CDH4: variants seen among roughly 807,000 people sequenced by gnomAD.
The protein encoded by CDH4 is cadherin 4.
Under a neutral mutation model 86.0 loss-of-function variants are expected in CDH4, and 33 were observed. The observed-to-expected ratio is 0.38, with a 90% CI of 0.29 to 0.51. The LOEUF is 0.51. CDH4 is among the 20% of genes least tolerant of loss of function. The pLI, the probability that CDH4 is intolerant of heterozygous loss-of-function variation, is 0.86. For synonymous variants in CDH4, 555 were observed against 549.4 expected, an observed-to-expected ratio of 1.01 and a Z score of -0.14; for missense variants, 1,114 against 1,307.4, an observed-to-expected ratio of 0.85 and a Z score of 2.28.
At chr20:61,354,525 C>G (rs2084735205) in intron 2 of CDH4, among the ~76,000 whole-genome samples, 1 of 152,180 alleles carries the variant, frequency 6.6e-6, no homozygotes, top group African/African-American at 2.4e-5. Context: ...TGAAATAAAT[C>G]AAAGATGATA....
intron 2 of CDH4, among the ~76,000 whole-genome samples, chr20:61,647,584 T>TCCCTCTC (rs2087078593): frequency 1.1e-5 from 1 of 89,686 alleles, no homozygotes; most frequent in African/African-American, 4.5e-5. Flanking sequence ...CCTCCCCCTC[T>TCCCTCTC]CCTCTCTCTC....
intron 2 of CDH4, among the ~76,000 whole-genome samples, chr20:61,308,894 C>T (rs1189873870): frequency 6.6e-6 from 1 of 152,184 alleles, no homozygotes; most frequent in Non-Finnish European, 1.5e-5. Context: ...CTATGGGAAG[C>T]AGAGCTCGTA....
In CDH4 at chr20:61,623,037, A is replaced by G. The variant is rs1346958528; in HGVS notation, c.170-120526A>G. 6.6e-6 allele frequency among the ~76,000 whole-genome samples: 1 copy of G among 152,212 alleles called. No individual in the cohort carries two copies. The highest frequency in any genetic ancestry group is 1.5e-5 in the Non-Finnish European group (1 of 68,036). On this transcript the variant is annotated intron_variant, in intron 2 of 15. Transcript: ENST00000614565. The surrounding 1 kb of genome is among the most constrained non-coding windows in gnomAD (Gnocchi z 4.4). ...TGGACCACAACCAGTCATTTAAGAC[A>G]GTCAGGGAAACAAACGGGGAGGTGC...
At chr20:61,825,936 C>A (rs1353321803) in intron 4 of CDH4, among the ~76,000 whole-genome samples, 1 of 152,172 alleles carries the variant, frequency 6.6e-6, no homozygotes, top group Admixed American at 6.5e-5. Context: ...CGATTTGTCT[C>A]CAGATTTTGT....
chr20:61,809,262 G>A (rs1417103785), intron 4 of CDH4, among the ~76,000 whole-genome samples: 1 of 152,070 alleles, frequency 6.6e-6, no homozygotes, highest in South Asian at 2.1e-4. Context: ...TCAGCGGCGG[G>A]ATGATGGGTG....
At chr20:61,758,391 C>G (rs903031970) in intron 3 of CDH4, among the ~76,000 whole-genome samples, 1 of 152,170 alleles carries the variant, frequency 6.6e-6, no homozygotes, top group Non-Finnish European at 1.5e-5. Context: ...GGGCCCTGCC[C>G]GTATTGTGGT....
chr20:61,334,810 C>T (rs1047725765), intron 2 of CDH4, among the ~76,000 whole-genome samples: 1 of 152,222 alleles, frequency 6.6e-6, no homozygotes, highest in African/African-American at 2.4e-5. Context: ...GGGTCATTGG[C>T]ATTCAGCTTT....
intron 2 of CDH4, among the ~76,000 whole-genome samples, chr20:61,309,088 C>T (rs1282939984): frequency 6.6e-6 from 1 of 152,258 alleles, no homozygotes; most frequent in Non-Finnish European, 1.5e-5. Flanking sequence ...TTCAATATGG[C>T]AACGGCAGAG....
At chr20:61,884,161 G>A (rs1014847804) in intron 7 of CDH4, among the ~76,000 whole-genome samples, 1 of 152,160 alleles carries the variant, frequency 6.6e-6, no homozygotes, top group African/African-American at 2.4e-5. Context: ...GCTGGAGTTG[G>A]GCTTGTGGGG....
intron 3 of CDH4, among the ~76,000 whole-genome samples, chr20:61,770,414 C>T (rs62204628): frequency 0.066 from 9,995 of 152,352 alleles, 425 homozygotes; most frequent in South Asian, 0.15. Flanking sequence ...TCATATCCTA[C>T]TGCCTCTGCA....
At chr20:61,780,494 A>G (rs1407958411) in intron 4 of CDH4, among the ~76,000 whole-genome samples, 1 of 152,148 alleles carries the variant, frequency 6.6e-6, no homozygotes, top group Non-Finnish European at 1.5e-5. Context: ...GTCGTTAAAC[A>G]CTCATTAAGT....
intron 7 of CDH4, among the ~76,000 whole-genome samples, chr20:61,882,791 C>T (rs1170447508): frequency 3.9e-5 from 6 of 152,194 alleles, no homozygotes; most frequent in Non-Finnish European, 5.9e-5. Flanking sequence ...CCGAGGGTTT[C>T]CCGGCACCCC....
At chr20:61,287,212 C>T (rs2084297731) in intron 2 of CDH4, among the ~76,000 whole-genome samples, 1 of 152,160 alleles carries the variant, frequency 6.6e-6, no homozygotes, top group African/African-American at 2.4e-5. Context: ...GGGTGCCTGG[C>T]GGGCAGTCTA....
intron 2 of CDH4, among the ~76,000 whole-genome samples, chr20:61,576,243 C>T (rs768668401): frequency 5.9e-5 from 9 of 152,280 alleles, no homozygotes; most frequent in Middle Eastern, 3.4e-3. Flanking sequence ...AGCAAGACAG[C>T]GACGTGTCAG....
intron 7 of CDH4, among the ~76,000 whole-genome samples, chr20:61,890,224 G>A (rs561871363): frequency 1.9e-3 from 292 of 151,678 alleles, no homozygotes; most frequent in Non-Finnish European, 3.2e-3. Flanking sequence ...TTGGATGGGT[G>A]AGTGGATGGA....
rs186429294 is a variant in CDH4 at position 61,592,697 on chromosome 20, C to T, written c.170-150866C>T. On this transcript the variant is annotated intron_variant, in intron 2 of 15. Coordinates refer to ENST00000614565, the MANE Select transcript of CDH4 (RefSeq NM_001794.5). ...CTTTCTGTCTGTGGATTTGCCTTTTCGGGATACCCTATGTGAATGGAGTCA... is the reference window on the plus strand; with the variant it reads ...CTTTCTGTCTGTGGATTTGCCTTTTTGGGATACCCTATGTGAATGGAGTCA... Among the ~76,000 whole-genome samples, 13 of 152,240 alleles carry T rather than the reference C, an allele frequency of 8.5e-5. No individual in the cohort carries two copies. In the East Asian group the frequency reaches 1.9e-3, roughly 23 times the overall value.
At chr20:61,502,498 A>G (rs188710991) in intron 2 of CDH4, among the ~76,000 whole-genome samples, 1 of 152,154 alleles carries the variant, frequency 6.6e-6, no homozygotes, top group Admixed American at 6.5e-5. Context: ...GCTAGAGATT[A>G]TTTTTCCAGC....
chr20:61,506,223 ATCT>A (rs2085740715), intron 2 of CDH4, among the ~76,000 whole-genome samples: 1 of 152,268 alleles, frequency 6.6e-6, no homozygotes, highest in Admixed American at 6.5e-5. Flanking sequence ...ACGCTCATGC[ATCT>A]TCTTTGCATA....
chr20:61,852,634 C>T (rs562117718), intron 5 of CDH4, 120 bp from the exon 6 acceptor site: 1 of 974,310 alleles, frequency 1.0e-6, no homozygotes, highest in African/African-American at 1.7e-5. Flanking sequence ...GCCCCCCGGC[C>T]CCTATAGCCA....
Sources: gnomAD v4.1 joint callset for allele counts (sites outside exome capture counted in the v4.1 genomes callset) on GRCh38, gnomAD v4.1.1 for gene constraint, Gnocchi (gnomAD v3.1) non-coding constraint, MANE v1.5 for transcripts, NCBI Gene and HGNC (gene_info 2026-07-23, HGNC 2026-07-21) for gene names.